TNFRSF19: variants seen among roughly 807,000 people sequenced by gnomAD.
The protein encoded by TNFRSF19 is TNF receptor superfamily member 19.
In TNFRSF19, 27 loss-of-function variants were observed where a neutral mutation model predicts 46.4. The observed-to-expected ratio is 0.58, with a 90% CI of 0.43 to 0.80. TNFRSF19 has a LOEUF of 0.80. Ranked by LOEUF, TNFRSF19 falls within the 30% of genes least tolerant of loss-of-function variation. The pLI is 0.00. For synonymous variants in TNFRSF19, 204 were observed against 205.0 expected (o/e 1.00, Z 0.04); for missense variants, 511 against 530.8 (o/e 0.96, Z 0.37).
chr13:23,588,972 C>T (rs929882812), intron 1 of TNFRSF19, among the ~76,000 whole-genome samples: 2 of 152,174 alleles, frequency 1.3e-5, no homozygotes, highest in East Asian at 3.9e-4. Context: ...CGTCAGCTCA[C>T]CCCTGATAGC....
intron 3 of TNFRSF19, 92 bp downstream of exon 3, chr13:23,593,547 T>C (rs1211346635): frequency 3.5e-6 from 3 of 855,568 alleles, no homozygotes; most frequent in Non-Finnish European, 5.6e-6. Flanking sequence ...AATGAAACTT[T>C]GGATACCATG....
chr13:23,669,475 C>G (rs1951718158), intron 9 of TNFRSF19: 1 of 983,954 alleles, frequency 1.0e-6, no homozygotes, highest in Non-Finnish European at 1.2e-6. Context: ...TTACTTATGC[C>G]CAATACTTAA....
At chr13:23,573,883 A>G (rs1877784691) in intron 1 of TNFRSF19, among the ~76,000 whole-genome samples, 1 of 152,056 alleles carries the variant, frequency 6.6e-6, no homozygotes, top group African/African-American at 2.4e-5. Context: ...TAACATGGTG[A>G]AACCCCATCT....
intron 4 of TNFRSF19, among the ~76,000 whole-genome samples, chr13:23,616,847 G>T (rs1881332629): frequency 6.6e-6 from 1 of 152,126 alleles, no homozygotes; most frequent in Non-Finnish European, 1.5e-5. Flanking sequence ...CCAAAGTGCT[G>T]GGATTACAGG....
intron 7 of TNFRSF19, among the ~76,000 whole-genome samples, chr13:23,667,680 C>T (rs1951666404): frequency 6.6e-6 from 1 of 152,108 alleles, no homozygotes; most frequent in Admixed American, 6.5e-5. Flanking sequence ...GAACATTTTT[C>T]ATCCTCCCAA....
Position 23,590,245 on chromosome 13 carries a change from G to T in TNFRSF19, c.62G>T (p.Gly21Val). 1 of 1,582,346 alleles carries T rather than the reference G, an allele frequency of 6.3e-7. No homozygotes were observed. The highest frequency in any genetic ancestry group is 8.6e-7 in the Non-Finnish European group (1 of 1,163,256). Residue 21 changes from glycine (G) to valine (V), a missense_variant, in exon 2 of 10, where the codon GGC (glycine) becomes GTC (valine). By Grantham distance (109) the Gly-to-Val change is moderately radical (BLOSUM62 -3). Around this residue, in one of 3 missense-constraint regions of TNFRSF19, gnomAD observed 121 missense variants for 124.1 expected, o/e 0.98. Coordinates refer to ENST00000248484, the MANE Select transcript of TNFRSF19 (RefSeq NM_148957.4). ...TTTTTCACTCTTTTAGTATTACTAG[G>T]CTATTTGGTAAGTAAAGTCCTTTTT... Reference protein sequence around the residue: ...KTFFTLLVLLGYLSCKVTCES... With the variant: ...KTFFTLLVLLVYLSCKVTCES...
intron 3 of TNFRSF19, among the ~76,000 whole-genome samples, chr13:23,606,136 G>A (rs1166657797): frequency 2.6e-5 from 4 of 152,138 alleles, no homozygotes; most frequent in Non-Finnish European, 5.9e-5. Context: ...TTTCTAAACA[G>A]AAATACTCCA....
At position 23,626,766 on chromosome 13, in the gene TNFRSF19, A is replaced by G. The variant is rs371112090; in HGVS notation, c.419A>G (p.Asp140Gly). The G allele has an allele frequency of 6.2e-7, 1 of 1,613,936 alleles. No homozygotes were observed. The highest frequency in any genetic ancestry group is 8.5e-7 in the Non-Finnish European group (1 of 1,179,984). ...FQDMECVPCG[D>G]PPPPYEPHCA... ...GACATGGAGTGTGTGCCTTGTGGAG[A>G]CCCTCCTCCTCCTTACGAACCGCAC... Residue 140 changes from aspartate (D) to glycine (G), a missense_variant, in exon 5 of 10, where the codon GAC becomes GGC. This residue lies in a region of TNFRSF19 where 376 missense variants were observed against 372.7 expected (regional missense o/e 1.01). Transcript: ENST00000248484.
intron 5 of TNFRSF19, among the ~76,000 whole-genome samples, chr13:23,646,716 T>G (rs1329659394): frequency 1.3e-5 from 2 of 152,230 alleles, no homozygotes; most frequent in Non-Finnish European, 2.9e-5. Context: ...TTTCCACCTT[T>G]TGGCTATTGT....
chr13:23,592,286 C>T (rs150292441), intron 2 of TNFRSF19, among the ~76,000 whole-genome samples: 9 of 152,156 alleles, frequency 5.9e-5, no homozygotes, highest in East Asian at 1.9e-4. Context: ...AAAACAGAAC[C>T]GCGTCAGTAG....
Position 23,668,710 on chromosome 13 carries a change from G to T in TNFRSF19, c.858G>T (p.Gly286=). ...SLQARNAGPA[G]EMVPTFFGSL... is the part of the protein sequence containing the mutation. ...TGTGCAGAAACGCAGGCCCAGCCGGGGAGATGGTGCCGACTTTCTTCGGAT... is the reference window on the plus strand; with the variant it reads ...TGTGCAGAAACGCAGGCCCAGCCGGTGAGATGGTGCCGACTTTCTTCGGAT... Residue 286 remains glycine (G), a synonymous_variant, in exon 9 of 10, where the codon GGG becomes GGT. Coordinates refer to ENST00000248484, the MANE Select transcript of TNFRSF19 (RefSeq NM_148957.4). 1 of 1,613,734 alleles carries T rather than the reference G, an allele frequency of 6.2e-7. No homozygotes were observed. Among genetic ancestry groups the T allele is most frequent in the African/African-American group, 1.3e-5 (1 of 75,036 alleles).
At chr13:23,604,166 C>A (rs1015144727) in intron 3 of TNFRSF19, among the ~76,000 whole-genome samples, 45 of 152,014 alleles carry the variant, frequency 3.0e-4, no homozygotes, top group East Asian at 5.8e-4. Flanking sequence ...TTTCAAGATA[C>A]CTGGTTAATG....
chr13:23,572,626 G>T (rs2138125291), intron 1 of TNFRSF19, among the ~76,000 whole-genome samples: 1 of 152,254 alleles, frequency 6.6e-6, no homozygotes, highest in Admixed American at 6.5e-5. Flanking sequence ...AAACTAGCTT[G>T]GGCAAGTCAA....
intron 5 of TNFRSF19, among the ~76,000 whole-genome samples, chr13:23,653,329 C>T (rs188543120): frequency 6.6e-5 from 10 of 152,276 alleles, no homozygotes; most frequent in South Asian, 2.1e-4. Context: ...AGCTTAACGA[C>T]GAGCCTGGTG....
In TNFRSF19 at chr13:23,668,797, G is replaced by A. The variant is rs1805138400; in HGVS notation, c.945G>A (p.Met315Ile). Reference sequence around the variant, plus strand: ...CCTGGCCTCTGATGCAGAATCCCATGGGTGGTGACAACATCTCTTTTTGTG... The same window carrying A: ...CCTGGCCTCTGATGCAGAATCCCATAGGTGGTGACAACATCTCTTTTTGTG... ...SDAWPLMQNPMGGDNISFCDS... is the reference protein window; with the variant it reads ...SDAWPLMQNPIGGDNISFCDS... Residue 315 changes from methionine to isoleucine, a missense_variant, in exon 9 of 10, where the codon ATG becomes ATA. This residue lies in a region of TNFRSF19 where 376 missense variants were observed against 372.7 expected (regional missense o/e 1.01). Coordinates refer to ENST00000248484, the MANE Select transcript of TNFRSF19 (RefSeq NM_148957.4). 1 of 1,614,124 alleles carries A rather than the reference G, an allele frequency of 6.2e-7. No individual in the cohort carries two copies. The highest frequency in any genetic ancestry group is 1.7e-5 in the Admixed American group (1 of 60,008).
intron 3 of TNFRSF19, among the ~76,000 whole-genome samples, chr13:23,608,517 G>A (rs950007606): frequency 3.3e-5 from 5 of 152,168 alleles, no homozygotes; most frequent in African/African-American, 1.2e-4. Flanking sequence ...GTAACAGTGC[G>A]GGAGGAAGGA....
chr13:23,669,666 T>G lies in TNFRSF19; in HGVS notation c.1245+569T>G, dbSNP rs976896147. ...GGTCATAAGACCCTCTCAGGTGGAA[T>G]GGTTTAAGATCAGGTTTGGGTGGAG... is the stretch of plus-strand genomic sequence containing the variant. On this transcript the variant is annotated intron_variant, in intron 9 of 9. Coordinates refer to ENST00000248484, the MANE Select transcript of TNFRSF19 (RefSeq NM_148957.4). 5.1e-6 allele frequency: 5 copies of G among 985,122 alleles called. No homozygotes were observed. In the African/African-American group the frequency reaches 8.7e-5, roughly 17 times the overall value. The allele number at this position is 985,122 out of a possible 1,614,324, so 61.0% of individuals were successfully genotyped here.
At chr13:23,649,261 A>G (rs1368357291) in intron 5 of TNFRSF19, among the ~76,000 whole-genome samples, 2 of 152,140 alleles carry the variant, frequency 1.3e-5, no homozygotes, top group African/African-American at 2.4e-5. Flanking sequence ...GGTTATATAG[A>G]TCAATTCAGA....
At chr13:23,597,550 G>A (rs1336332354) in intron 3 of TNFRSF19, among the ~76,000 whole-genome samples, 1 of 152,114 alleles carries the variant, frequency 6.6e-6, no homozygotes, top group African/African-American at 2.4e-5. Context: ...AAACCAGGAA[G>A]AAGTTAAATC....
Sources: gnomAD v4.1 joint callset for allele counts (sites outside exome capture counted in the v4.1 genomes callset) on GRCh38, gnomAD v4.1.1 for gene constraint, gnomAD v4.1.1 regional missense constraint, MANE v1.5 for transcripts, NCBI Gene and HGNC (gene_info 2026-07-23, HGNC 2026-07-21) for gene names.